DTNB: variants seen among roughly 807,000 people sequenced by gnomAD.
DTNB encodes DTN-B.
DTNB carries 63 observed loss-of-function variants against 90.7 expected under a neutral mutation model. That is an observed-to-expected ratio of 0.69 (90% CI 0.57 to 0.86). DTNB has a LOEUF of 0.86. Ranked by LOEUF, DTNB falls within the 40% of genes least tolerant of loss-of-function variation. DTNB has a pLI of 0.00. For synonymous variants in DTNB, 277 were observed against 286.7 expected (o/e 0.97, Z 0.34); for missense variants, 744 against 807.1 (o/e 0.92, Z 0.95).
chr2:25,517,873 T>C (rs2075387007), intron 9 of DTNB, among the ~76,000 whole-genome samples: 2 of 152,122 alleles, frequency 1.3e-5, no homozygotes, highest in Admixed American at 6.6e-5. Context: ...CATTCAGCCT[T>C]AGAAAGGAAG....
chr2:25,470,611 A>G (rs1012463902), intron 10 of DTNB, among the ~76,000 whole-genome samples: 1 of 152,110 alleles, frequency 6.6e-6, no homozygotes, highest in Admixed American at 6.5e-5. Flanking sequence ...TCCTGACCTC[A>G]GGTGATCCAC....
At chr2:25,572,845 T>C (rs770540144) in intron 8 of DTNB, among the ~76,000 whole-genome samples, 11 of 152,176 alleles carry the variant, frequency 7.2e-5, no homozygotes, top group Non-Finnish European at 1.5e-4. Flanking sequence ...ACTAATGTAG[T>C]TCTTTGCCAC....
chr2:25,450,412 A>C (rs1424441830), intron 12 of DTNB, among the ~76,000 whole-genome samples: 1 of 152,104 alleles, frequency 6.6e-6, no homozygotes. Context: ...TTATTTGTTC[A>C]TCCTTTTGCC....
At chr2:25,610,067 A>G (rs2068177336) in intron 4 of DTNB, among the ~76,000 whole-genome samples, 2 of 152,210 alleles carry the variant, frequency 1.3e-5, no homozygotes. Flanking sequence ...TCCTCAGTCT[A>G]AGCAGTGTGA....
chr2:25,487,382 C>T (rs1269861823), intron 9 of DTNB, among the ~76,000 whole-genome samples: 1 of 152,146 alleles, frequency 6.6e-6, no homozygotes, highest in African/African-American at 2.4e-5. Flanking sequence ...GATGTGTAGG[C>T]ATTGTGTTAG....
At chr2:25,520,983 C>T (rs186386967) in intron 9 of DTNB, among the ~76,000 whole-genome samples, 1 of 152,244 alleles carries the variant, frequency 6.6e-6, no homozygotes, top group African/African-American at 2.4e-5. Context: ...CTTAGCTGTT[C>T]AAACATGCTA....
chr2:25,536,010 G>A (rs185071163), intron 8 of DTNB, among the ~76,000 whole-genome samples: 606 of 139,194 alleles, frequency 4.4e-3, no homozygotes, highest in Middle Eastern at 0.014. Context: ...AGGCAGAGGC[G>A]CTCCTCACCT....
At chr2:25,664,130 C>T (rs1318966388) in intron 1 of DTNB, among the ~76,000 whole-genome samples, 1 of 152,012 alleles carries the variant, frequency 6.6e-6, no homozygotes, top group Middle Eastern at 3.2e-3. Context: ...TATATAAGTC[C>T]ATATTTTAAA....
intron 10 of DTNB, among the ~76,000 whole-genome samples, chr2:25,482,244 AG>A (rs1428336783): frequency 6.6e-6 from 1 of 152,188 alleles, no homozygotes; most frequent in Non-Finnish European, 1.5e-5. Context: ...AATAAAGAGG[AG>A]AAAGAAGTAC....
intron 10 of DTNB, among the ~76,000 whole-genome samples, chr2:25,475,032 A>G (rs977531136): frequency 4.6e-5 from 7 of 152,158 alleles, no homozygotes; most frequent in African/African-American, 1.7e-4. Flanking sequence ...ACATAAAAAT[A>G]TTGAAATTAG....
At chr2:25,380,261 G>A (rs1447293654) in intron 19 of DTNB, among the ~76,000 whole-genome samples, 1 of 152,212 alleles carries the variant, frequency 6.6e-6, no homozygotes, top group Non-Finnish European at 1.5e-5. Flanking sequence ...CTTTACGGTT[G>A]ACAGTTACAG....
At chr2:25,651,398 G>A (rs1016201510) in intron 2 of DTNB, among the ~76,000 whole-genome samples, 34 of 152,218 alleles carry the variant, frequency 2.2e-4, no homozygotes, top group African/African-American at 8.2e-4. Flanking sequence ...GTGGCGTGAC[G>A]AACAGATTCA....
intron 2 of DTNB, among the ~76,000 whole-genome samples, chr2:25,646,693 C>G (rs1345164665): frequency 6.6e-6 from 1 of 152,170 alleles, no homozygotes; most frequent in Non-Finnish European, 1.5e-5. Context: ...CTCATCCCTT[C>G]AAGTTGTTCT....
chr2:25,457,445 C>T (rs1231055264), intron 10 of DTNB, among the ~76,000 whole-genome samples: 1 of 152,148 alleles, frequency 6.6e-6, no homozygotes, highest in Non-Finnish European at 1.5e-5. Flanking sequence ...GTTCTAGGCT[C>T]ACCGATTCTA....
At chr2:25,533,794 G>T (rs1420269877) in intron 8 of DTNB, among the ~76,000 whole-genome samples, 1 of 152,094 alleles carries the variant, frequency 6.6e-6, no homozygotes, top group Non-Finnish European at 1.5e-5. Flanking sequence ...CAAGCCTGCT[G>T]GTCAGCATCC....
chr2:25,488,223 A>G (rs953182095), intron 9 of DTNB, among the ~76,000 whole-genome samples: 1 of 152,212 alleles, frequency 6.6e-6, no homozygotes, highest in Admixed American at 6.5e-5. Flanking sequence ...ATGAAGATGG[A>G]CAGTGGTAGT....
chr2:25,652,922 T>C (rs992685122), intron 1 of DTNB: 1 of 311,860 alleles, frequency 3.2e-6, no homozygotes, highest in Admixed American at 4.8e-5. Flanking sequence ...GGGGCTGACT[T>C]ACTTCTAACT....
intron 6 of DTNB, chr2:25,595,117 G>C (rs2064316539): frequency 6.6e-6 from 1 of 152,088 alleles, no homozygotes; most frequent in African/African-American, 2.4e-5. Context: ...TGTTTCCTTG[G>C]GATGAGATTC....
At chr2:25,498,130 G>A (rs1485483008) in intron 9 of DTNB, among the ~76,000 whole-genome samples, 2 of 151,998 alleles carry the variant, frequency 1.3e-5, no homozygotes, top group African/African-American at 4.8e-5. Context: ...ACACAGGTCT[G>A]GAAATTTTCT....
Sources: allele counts gnomAD v4.1 joint callset (sites outside exome capture counted in the v4.1 genomes callset), GRCh38; gene constraint gnomAD v4.1.1; transcripts MANE v1.5; gene names NCBI Gene and HGNC (gene_info 2026-07-23, HGNC 2026-07-21).